ZFAT: variants seen among roughly 807,000 people sequenced by gnomAD.
ZFAT encodes zinc finger protein ZFAT.
Under a neutral mutation model 117.7 loss-of-function variants are expected in ZFAT, and 64 were observed. That is an observed-to-expected ratio of 0.54 (90% CI 0.44 to 0.67). The LOEUF is 0.67. Ranked by LOEUF, ZFAT falls within the 30% of genes least tolerant of loss-of-function variation. The pLI is 0.00. For missense variants in ZFAT, 1,433 were observed against 1,584.5 expected, an observed-to-expected ratio of 0.90 and a Z score of 1.62; for synonymous variants, 679 against 615.0, an observed-to-expected ratio of 1.10 and a Z score of -1.54.
rs77280577 is a variant in ZFAT, at chr8:134,537,347, T to C, written c.2977-4375A>G. Among the ~76,000 whole-genome samples, 1,310 of 152,338 alleles carry C rather than the reference T, an allele frequency of 8.6e-3. 16 individuals are homozygous for C. The highest frequency in any genetic ancestry group is 0.03 in the African/African-American group (1,232 of 41,574). ...TTTGGTTTTCCACTGGCCATTTTTT[T>C]CCCTAGCATATATCTCCCTAAAACC... On this transcript the variant is annotated intron_variant, in intron 11 of 15. Coordinates refer to ENST00000377838, the MANE Select transcript of ZFAT (RefSeq NM_020863.4).
chr8:134,822,457 C>A, the ZFAT span, among the ~76,000 whole-genome samples: 7 of 152,078 alleles, frequency 4.6e-5, no homozygotes, highest in Admixed American at 2.6e-4. Context: ...TATATCCCAG[C>A]CCCTCATCTT....
chr8:134,522,921 C>T (rs1481859886), intron 12 of ZFAT, among the ~76,000 whole-genome samples: 1 of 152,192 alleles, frequency 6.6e-6, no homozygotes, highest in African/African-American at 2.4e-5. Context: ...CAGGTAAGAA[C>T]TTTCCAGACC....
At chr8:134,575,790 G>A (rs574238557) in intron 10 of ZFAT, among the ~76,000 whole-genome samples, 2 of 152,324 alleles carry the variant, frequency 1.3e-5, no homozygotes, top group Non-Finnish European at 2.9e-5. Context: ...CCTGCAGGAA[G>A]CATAACAGGC....
intron 1 of ZFAT, among the ~76,000 whole-genome samples, chr8:134,693,475 C>T (rs138241939): frequency 6.6e-6 from 1 of 152,164 alleles, no homozygotes; most frequent in Non-Finnish European, 1.5e-5. Context: ...ACACAGACAA[C>T]TAGTAAAACA....
rs939776634 is a variant in ZFAT, at chr8:134,619,828, G to A, written c.449-9173C>T. 4.6e-5 allele frequency among the ~76,000 whole-genome samples: 7 copies of A among 152,288 alleles called. No individual in the cohort carries two copies. The South Asian group carries it at 6.2e-4, about 14-fold the overall frequency. On this transcript the variant is annotated intron_variant, in intron 3 of 15. Transcript: ENST00000377838. ...AGCCCCTTATAAAGATAAGGAGTCC[G>A]AAGCTCGGTGAGGAGAAGAGGTGAC...
intron 3 of ZFAT, among the ~76,000 whole-genome samples, chr8:134,612,612 C>T (rs146839537): frequency 1.3e-5 from 2 of 152,324 alleles, no homozygotes; most frequent in African/African-American, 2.4e-5. Flanking sequence ...AATCCAGGTG[C>T]TTGGACCATT....
chr8:134,492,591 A>G (rs923018232), intron 15 of ZFAT, among the ~76,000 whole-genome samples: 2 of 152,216 alleles, frequency 1.3e-5, no homozygotes, highest in African/African-American at 4.8e-5. Flanking sequence ...TTAAATTATA[A>G]CCAAGCAATA....
chr8:134,647,358 A>G (rs1041073533), intron 2 of ZFAT, among the ~76,000 whole-genome samples: 2 of 152,308 alleles, frequency 1.3e-5, no homozygotes, highest in African/African-American at 4.8e-5. Flanking sequence ...ACTAGATAAC[A>G]AGGAATGTAC....
chr8:134,798,732 GA>G, the ZFAT span, among the ~76,000 whole-genome samples: 4 of 151,838 alleles, frequency 2.6e-5, no homozygotes, highest in African/African-American at 9.7e-5. Flanking sequence ...TAAACAAGAA[GA>G]AAAAAGGCAA....
chr8:134,588,873 T>G (rs986235408), intron 8 of ZFAT, among the ~76,000 whole-genome samples: 1 of 152,254 alleles, frequency 6.6e-6, no homozygotes, highest in African/African-American at 2.4e-5. Context: ...TGAATGACAG[T>G]TGATCCTATT....
chr8:134,661,510 G>T lies in ZFAT; in HGVS notation c.20-3773C>A, dbSNP rs141087468. Among the ~76,000 whole-genome samples, 391 of 152,344 alleles carry T rather than the reference G, an allele frequency of 2.6e-3. 4 individuals are homozygous for T. The highest frequency in any genetic ancestry group is 9.2e-3 in the African/African-American group (382 of 41,574). On this transcript the variant is annotated intron_variant, in intron 1 of 15. Transcript: ENST00000377838. ...CCCATCACATGGCTCCCCCTAGAAT[G>T]TGAGGTCATTGGAAACAGCATCTGG...
At chr8:134,790,816 A>G in the ZFAT span, among the ~76,000 whole-genome samples, 1 of 151,796 alleles carries the variant, frequency 6.6e-6, no homozygotes, top group South Asian at 2.1e-4. Context: ...GGAGTTCGAG[A>G]CCAGCTCGGG....
At chr8:134,645,165 A>C (rs1456266517) in intron 2 of ZFAT, among the ~76,000 whole-genome samples, 73 of 152,224 alleles carry the variant, frequency 4.8e-4, no homozygotes, top group Non-Finnish European at 7.3e-5. Flanking sequence ...AATAAACCAG[A>C]GGATTTCAGT....
chr8:134,570,575 C>A (rs1824818115), intron 10 of ZFAT, among the ~76,000 whole-genome samples: 1 of 152,172 alleles, frequency 6.6e-6, no homozygotes, highest in African/African-American at 2.4e-5. Context: ...TACTTTGAGA[C>A]AAGACTGCAA....
chr8:134,724,462 G>A, the ZFAT span, among the ~76,000 whole-genome samples: 1 of 152,136 alleles, frequency 6.6e-6, no homozygotes, highest in African/African-American at 2.4e-5. Flanking sequence ...GGGGCCAGTG[G>A]GCTATACTGC....
intron 12 of ZFAT, among the ~76,000 whole-genome samples, chr8:134,525,330 T>C (rs1302871959): frequency 6.6e-6 from 1 of 152,174 alleles, no homozygotes; most frequent in Non-Finnish European, 1.5e-5. Flanking sequence ...CCAATATACA[T>C]GTGAGCTGAA....
chr8:134,504,712 T>C (rs768185832), intron 15 of ZFAT, among the ~76,000 whole-genome samples: 2 of 152,204 alleles, frequency 1.3e-5, no homozygotes, highest in Non-Finnish European at 1.5e-5. Flanking sequence ...TATAAACTGC[T>C]TGGACTCCAA....
At chr8:134,508,757 C>T (rs1021974164) in intron 15 of ZFAT, among the ~76,000 whole-genome samples, 1 of 152,244 alleles carries the variant, frequency 6.6e-6, no homozygotes, top group Non-Finnish European at 1.5e-5. Context: ...GCAACTGGAA[C>T]TCTGCCTGAC....
At chr8:134,788,533 A>C in the ZFAT span, among the ~76,000 whole-genome samples, 1 of 152,088 alleles carries the variant, frequency 6.6e-6, no homozygotes, top group Non-Finnish European at 1.5e-5. Flanking sequence ...AAAATAGGGT[A>C]AATTTTGATA....
Sources: allele counts gnomAD v4.1 joint callset (sites outside exome capture counted in the v4.1 genomes callset), GRCh38; gene constraint gnomAD v4.1.1; transcripts MANE v1.5; gene names NCBI Gene and HGNC (gene_info 2026-07-23, HGNC 2026-07-21).